C2orf80: variants seen among roughly 807,000 people sequenced by gnomAD.
C2orf80 encodes the protein chromosome 2 open reading frame 80.
In C2orf80, 28 loss-of-function variants were observed where a neutral mutation model predicts 30.2. The observed-to-expected ratio is 0.93, with a 90% CI of 0.69 to 1.27. C2orf80 has a LOEUF of 1.27. C2orf80 is among the 50% of genes most tolerant of loss of function. The pLI is 0.00. For synonymous variants in C2orf80, 80 were observed against 76.4 expected, an observed-to-expected ratio of 1.05 and a Z score of -0.24; for missense variants, 220 against 231.0, an observed-to-expected ratio of 0.95 and a Z score of 0.31.
intron 2 of C2orf80, 142 bp from the exon 3 acceptor site, chr2:208,185,174 C>T (rs1049958528): frequency 1.2e-5 from 7 of 586,478 alleles, no homozygotes; most frequent in African/African-American, 3.8e-5. Context: ...AGTTAATATT[C>T]GGTTTTGGTT....
chr2:208,179,691 A>T (rs1453703309), intron 6 of C2orf80, among the ~76,000 whole-genome samples: 1 of 130,720 alleles, frequency 7.6e-6, no homozygotes, highest in Non-Finnish European at 1.6e-5. Flanking sequence ...CTTAAAAATT[A>T]TTCAGAACAC....
chr2:208,170,938 C>T lies in C2orf80; in HGVS notation c.573+7G>A, dbSNP rs748486828. On this transcript the variant is annotated splice_region_variant and intron_variant, in intron 8 of 8. Transcript: ENST00000341287. ...CAGTTTGGTCCAATTTACAATCTCA[C>T]ACCTACTTTGTGCTTTGGCTGTGTG... The T allele has an allele frequency of 1.1e-5, 17 of 1,609,880 alleles. No individual in the cohort carries two copies. In the South Asian group the frequency reaches 1.3e-4, roughly 12 times the overall value.
intron 6 of C2orf80, among the ~76,000 whole-genome samples, chr2:208,174,962 T>A (rs1006484535): frequency 6.6e-6 from 1 of 152,156 alleles, no homozygotes; most frequent in Non-Finnish European, 1.5e-5. Context: ...GGAAGATTTA[T>A]GTTCTCTTTT....
intron 6 of C2orf80, among the ~76,000 whole-genome samples, chr2:208,178,762 T>C (rs1342495940): frequency 6.6e-6 from 1 of 152,004 alleles, no homozygotes; most frequent in African/African-American, 2.4e-5. Flanking sequence ...AATTTTTTTT[T>C]AATTGTTTTT....
At chr2:208,188,461 T>C (rs1696783636) in intron 1 of C2orf80, among the ~76,000 whole-genome samples, 1 of 151,940 alleles carries the variant, frequency 6.6e-6, no homozygotes, top group South Asian at 2.1e-4. Flanking sequence ...TTTTTTTTTT[T>C]TTTGAGACGG....
chr2:208,184,947 T>C lies in C2orf80; in HGVS notation c.123+4A>G, dbSNP rs1696671403. On this transcript the variant is annotated splice_donor_region_variant and intron_variant, in intron 3 of 8. Coordinates refer to ENST00000341287, the MANE Select transcript of C2orf80 (RefSeq NM_001099334.3). ...ATGACTCGCATCAGCGTGCCTTTCT[T>C]TACCATATCATCTAGAAAGGTGAGT... The C allele has an allele frequency of 6.2e-7, 1 of 1,611,536 alleles. No homozygotes were observed. The highest frequency in any genetic ancestry group is 8.5e-7 in the Non-Finnish European group (1 of 1,178,064).
intron 6 of C2orf80, among the ~76,000 whole-genome samples, chr2:208,175,713 TAAA>T (rs1480820532): frequency 2.0e-5 from 3 of 151,432 alleles, no homozygotes; most frequent in Admixed American, 6.6e-5. Flanking sequence ...ATGTAGCAAT[TAAA>T]GAAGAATCTC....
intron 1 of C2orf80, chr2:208,189,731 G>A: frequency 1.8e-6 from 1 of 551,408 alleles, no homozygotes; most frequent in South Asian, 2.4e-5. Flanking sequence ...ACACACAAAA[G>A]AGGTACTGGA....
At chr2:208,178,764 A>ATT (rs1696451886) in intron 6 of C2orf80, among the ~76,000 whole-genome samples, 1 of 151,844 alleles carries the variant, frequency 6.6e-6, no homozygotes, top group Admixed American at 6.6e-5. Flanking sequence ...TTTTTTTTTA[A>ATT]TTGTTTTTTG....
intron 4 of C2orf80, 149 bp from the exon 5 acceptor site, chr2:208,181,454 A>G (rs1696557143): frequency 1.1e-5 from 6 of 559,012 alleles, no homozygotes; most frequent in Non-Finnish European, 1.9e-5. Context: ...TTGTTCCTCC[A>G]TCGGTGAAAT....
intron 6 of C2orf80, among the ~76,000 whole-genome samples, chr2:208,176,609 T>G (rs1413653156): frequency 2.6e-5 from 4 of 152,290 alleles, no homozygotes; most frequent in African/African-American, 9.6e-5. Flanking sequence ...TAATTAAAGC[T>G]ATTATTTGGA....
intron 2 of C2orf80, among the ~76,000 whole-genome samples, chr2:208,185,783 T>A (rs891360584): frequency 1.3e-5 from 2 of 152,200 alleles, no homozygotes; most frequent in African/African-American, 4.8e-5. Context: ...TTAACTAGAT[T>A]GATAAAAATT....
intron 2 of C2orf80, among the ~76,000 whole-genome samples, chr2:208,185,482 C>T (rs143834281): frequency 5.3e-4 from 80 of 152,278 alleles, no homozygotes; most frequent in Non-Finnish European, 1.1e-3. Flanking sequence ...CTTTAGAATG[C>T]AAATACCCTT....
rs11903709 is a variant in C2orf80 at position 208,181,527 on chromosome 2, T to C, written c.207-222A>G. Among the ~76,000 whole-genome samples, 490 of 152,298 alleles carry C rather than the reference T, an allele frequency of 3.2e-3. 6 individuals carry two copies. Among genetic ancestry groups the C allele is most frequent in the African/African-American group, 0.011 (466 of 41,578 alleles). On this transcript the variant is annotated intron_variant, in intron 4 of 8. Transcript: ENST00000341287. The stretch of plus-strand genomic sequence containing the variant: ...GAATTTGGCCTCATCTATCCATGTT[T>C]TCACAGCAATCAAAGATTGGCAGAC...
At chr2:208,173,899 G>A (rs147076503) in intron 6 of C2orf80, among the ~76,000 whole-genome samples, 103 of 152,090 alleles carry the variant, frequency 6.8e-4, no homozygotes, top group Non-Finnish European at 1.3e-3. Flanking sequence ...ATTGGTAAGT[G>A]TTCATTTGGA....
Position 208,165,608 on chromosome 2 carries a change from T to C in C2orf80, c.*199A>G, listed in dbSNP as rs2105885305. On this transcript the variant is annotated 3_prime_UTR_variant, in exon 9 of 9. Transcript: ENST00000341287. ...CAATGAAGTAGCATAAGGTCACAGT[T>C]TTTTTTTTTAAGAAAATGTAGCCAT... The C allele has an allele frequency of 1.7e-6, 1 of 578,644 alleles. No homozygotes were observed. The allele number at this position is 578,644 out of a possible 1,614,324, so 35.8% of individuals were successfully genotyped here. A position where few individuals can be genotyped will look rare whatever the true frequency, so the allele number is the denominator to read the frequency against.
intron 8 of C2orf80, among the ~76,000 whole-genome samples, chr2:208,169,273 G>GTGTGTGTGTGTGTC (rs1696016190): frequency 6.6e-6 from 1 of 151,200 alleles, no homozygotes; most frequent in African/African-American, 2.4e-5. Flanking sequence ...TCTAGATTGT[G>GTGTGTGTGTGTGTC]TGTGTGTGTG....
chr2:208,181,077 T>TA, intron 5 of C2orf80, 141 bp downstream of exon 5: 5 of 716,416 alleles, frequency 7.0e-6, no homozygotes, highest in Non-Finnish European at 1.1e-5. Flanking sequence ...TTTATTACTT[T>TA]AAAAAACGAA....
At chr2:208,173,495 G>A (rs1696174818) in intron 6 of C2orf80, among the ~76,000 whole-genome samples, 1 of 151,948 alleles carries the variant, frequency 6.6e-6, no homozygotes, top group African/African-American at 2.4e-5. Context: ...CGTGGTGGTG[G>A]GCACCTGTTG....
Sources: gnomAD v4.1 joint callset for allele counts (sites outside exome capture counted in the v4.1 genomes callset) on GRCh38, gnomAD v4.1.1 for gene constraint, MANE v1.5 for transcripts, NCBI Gene and HGNC (gene_info 2026-07-23, HGNC 2026-07-21) for gene names.